Variants in BCL2 observed in about 807,000 individuals in gnomAD.
BCL2 encodes the protein apoptosis regulator Bcl-2.
BCL2 carries 1 observed loss-of-function variant against 14.2 expected under a neutral mutation model. The observed-to-expected ratio is 0.07, with a 90% CI of 0.02 to 0.33. The LOEUF (loss-of-function observed/expected upper bound fraction) is 0.33. Ranked by LOEUF, BCL2 falls within the 10% of genes least tolerant of loss-of-function variation. BCL2 has a pLI of 0.99. For synonymous variants in BCL2, 151 were observed against 137.2 expected (o/e 1.10, Z -0.70); for missense variants, 247 against 305.9 (o/e 0.81, Z 1.44).
intron 2 of BCL2, among the ~76,000 whole-genome samples, chr18:63,261,370 T>A (rs917896129): frequency 1.3e-5 from 2 of 151,726 alleles, no homozygotes; most frequent in Non-Finnish European, 1.5e-5. Context: ...ACAAGGCAGA[T>A]GGAAGAAGAC....
intron 2 of BCL2, among the ~76,000 whole-genome samples, chr18:63,276,729 T>C (rs1397620827): frequency 1.3e-5 from 2 of 152,260 alleles, no homozygotes; most frequent in Non-Finnish European, 2.9e-5. Flanking sequence ...TGCAGCCATC[T>C]GGATTTATAG....
chr18:63,170,639 T>G (rs1915200759), intron 2 of BCL2, among the ~76,000 whole-genome samples: 1 of 152,242 alleles, frequency 6.6e-6, no homozygotes. Context: ...CTTCTCCCAT[T>G]TCATTATCCT....
At chr18:63,159,051 C>T (rs1914852036) in intron 2 of BCL2, among the ~76,000 whole-genome samples, 1 of 152,186 alleles carries the variant, frequency 6.6e-6, no homozygotes, top group Admixed American at 6.5e-5. Flanking sequence ...ATCACAAAAA[C>T]ACAACTGAAA....
chr18:63,215,382 A>T (rs1369246950), intron 2 of BCL2, among the ~76,000 whole-genome samples: 1 of 152,256 alleles, frequency 6.6e-6, no homozygotes, highest in Non-Finnish European at 1.5e-5. Flanking sequence ...TCAATAATTC[A>T]TGCTACAGTC....
chr18:63,263,188 G>T (rs1238316719), intron 2 of BCL2, among the ~76,000 whole-genome samples: 3 of 152,158 alleles, frequency 2.0e-5, no homozygotes, highest in African/African-American at 7.2e-5. Context: ...TGTGCGGGGG[G>T]TGCAGTGCAG....
intron 2 of BCL2, among the ~76,000 whole-genome samples, chr18:63,194,928 AG>A (rs1909404025): frequency 1.3e-5 from 2 of 152,336 alleles, no homozygotes; most frequent in East Asian, 1.9e-4. Context: ...GTAACCTGCA[AG>A]GTCACCTCTA....
intron 2 of BCL2, among the ~76,000 whole-genome samples, chr18:63,159,942 G>A (rs2144617657): frequency 6.6e-6 from 1 of 152,232 alleles, no homozygotes; most frequent in South Asian, 2.1e-4. Context: ...ACTTTTTCTG[G>A]TTTCCAAACT....
At chr18:63,164,140 T>C (rs1192576299) in intron 2 of BCL2, among the ~76,000 whole-genome samples, 1 of 152,152 alleles carries the variant, frequency 6.6e-6, no homozygotes, top group African/African-American at 2.4e-5. Flanking sequence ...TTGAAATGAA[T>C]GGAGTAAAAT....
Position 63,149,099 on chromosome 18 carries a change from A to G in BCL2, c.586-20340T>C, listed in dbSNP as rs1914582410. Among the ~76,000 whole-genome samples the G allele has an allele frequency of 6.6e-6, 1 of 152,208 alleles. No homozygotes were observed. The highest frequency in any genetic ancestry group is 6.5e-5 in the Admixed American group (1 of 15,284). On this transcript the variant is annotated intron_variant, in intron 2 of 2. Transcript: ENST00000333681. This position sits in a 1 kb window ranked among gnomAD's most constrained non-coding sequence, Gnocchi z 4.2. ...TTATGCTGACACCTCTGTCTCTTTGATAACGTTTACATTATGAGAAAAGAA... is the reference window on the plus strand; with the variant it reads ...TTATGCTGACACCTCTGTCTCTTTGGTAACGTTTACATTATGAGAAAAGAA...
In BCL2 at chr18:63,149,831, TC is replaced by T. The variant is rs1914604481; in HGVS notation, c.586-21073del. 6.6e-6 allele frequency among the ~76,000 whole-genome samples: 1 copy of T among 152,070 alleles called. No individual in the cohort carries two copies. The highest frequency in any genetic ancestry group is 2.4e-5 in the African/African-American group (1 of 41,396). ...ATATGGCTCTCTACAGAAAGGGTTC[TC>T]CTGACATGAGGCATTTATTTATTTA... On this transcript the variant is annotated intron_variant, in intron 2 of 2. Transcript: ENST00000333681. The surrounding 1 kb of genome is among the most constrained non-coding windows in gnomAD (Gnocchi z 4.2).
chr18:63,264,364 T>A (rs1911755099), intron 2 of BCL2, among the ~76,000 whole-genome samples: 4 of 152,176 alleles, frequency 2.6e-5, no homozygotes, highest in Admixed American at 2.6e-4. Context: ...AACTGGACAC[T>A]AGCACTCAAG....
rs1488628857 is a variant in BCL2, at chr18:63,198,283, CAT to C, written c.586-69526_586-69525del. The stretch of plus-strand genomic sequence containing the variant: ...AGACACACACTGACACAGAGACACA[CAT>C]AGACACAGAGACACACACAGACACA... On this transcript the variant is annotated intron_variant, in intron 2 of 2. Transcript: ENST00000333681. Among the ~76,000 whole-genome samples the C allele has an allele frequency of 2.5e-4, 37 of 149,796 alleles. No individual in the cohort carries two copies. In the Middle Eastern group the frequency reaches 0.011, roughly 43 times the overall value.
intron 2 of BCL2, among the ~76,000 whole-genome samples, chr18:63,269,349 C>T (rs1482608745): frequency 6.6e-6 from 1 of 152,002 alleles, no homozygotes; most frequent in African/African-American, 2.4e-5. Flanking sequence ...TATTTTCCCA[C>T]TTGTAGAGAT....
At chr18:63,175,317 T>A (rs1915327669) in intron 2 of BCL2, among the ~76,000 whole-genome samples, 1 of 152,138 alleles carries the variant, frequency 6.6e-6, no homozygotes, top group Admixed American at 6.5e-5. Context: ...GACGTGGGAG[T>A]GGTACTAGCC....
intron 2 of BCL2, among the ~76,000 whole-genome samples, chr18:63,304,691 C>A (rs902411217): frequency 6.6e-6 from 1 of 152,116 alleles, no homozygotes. Context: ...CATCCACCCA[C>A]GTATCAAGCC....
At chr18:63,132,460 C>A (rs1177173264) in intron 2 of BCL2, among the ~76,000 whole-genome samples, 1 of 152,152 alleles carries the variant, frequency 6.6e-6, no homozygotes, top group Non-Finnish European at 1.5e-5. Flanking sequence ...TGAGGATAGT[C>A]CGTAATTTCT....
intron 2 of BCL2, among the ~76,000 whole-genome samples, chr18:63,158,192 G>A (rs1016169845): frequency 6.6e-6 from 1 of 152,146 alleles, no homozygotes; most frequent in African/African-American, 2.4e-5. Flanking sequence ...GGAGCAGACT[G>A]AAAGGATGTT....
At chr18:63,263,862 A>G (rs2187163) in intron 2 of BCL2, among the ~76,000 whole-genome samples, 120,517 of 152,120 alleles carry the variant, frequency 0.79, 48,812 homozygotes, top group South Asian at 0.98. Context: ...TTTCACTCTC[A>G]TCACCCAGGC....
At chr18:63,302,930 T>C (rs1335907332) in intron 2 of BCL2, 7 of 962,220 alleles carry the variant, frequency 7.3e-6, no homozygotes, top group Non-Finnish European at 8.7e-6. Flanking sequence ...GAAATAACTC[T>C]CCCTTGATAC....
Sources: allele counts gnomAD v4.1 joint callset (sites outside exome capture counted in the v4.1 genomes callset), GRCh38; gene constraint gnomAD v4.1.1; non-coding constraint Gnocchi (gnomAD v3.1); transcripts MANE v1.5; gene names NCBI Gene and HGNC (gene_info 2026-07-23, HGNC 2026-07-21).